The following PCNX2 variants were observed in gnomAD, a reference collection of about 807,000 sequenced individuals.
The protein encoded by PCNX2 is pecanex 2, also known as pecanex-like protein 2.
PCNX2 carries 168 observed loss-of-function variants against 223.8 expected under a neutral mutation model. The ratio of observed to expected loss-of-function variants is 0.75; its 90% CI spans 0.66 to 0.85. PCNX2 has a LOEUF of 0.85. Among genes scored for constraint, PCNX2 ranks in the 40% least tolerant of loss-of-function variants. The probability of loss-of-function intolerance (pLI) is 0.00; values close to 1 mark genes in which losing one functional copy is unlikely to be tolerated. For missense variants in PCNX2, 2,507 were observed against 2,675.5 expected (o/e 0.94, Z 1.39); for synonymous variants, 1,006 against 1,052.6 (o/e 0.96, Z 0.86).
chr1:233,045,435 C>G (rs993048893), intron 25 of PCNX2, among the ~76,000 whole-genome samples: 9 of 152,184 alleles, frequency 5.9e-5, no homozygotes, highest in African/African-American at 1.9e-4. Flanking sequence ...TCCCCACTAC[C>G]TCCACTCACT....
At chr1:233,084,890 C>T (rs1264602291) in intron 23 of PCNX2, among the ~76,000 whole-genome samples, 2 of 152,164 alleles carry the variant, frequency 1.3e-5, no homozygotes, top group Non-Finnish European at 2.9e-5. Context: ...AATAAAGACA[C>T]CAGGCAGAGC....
intron 28 of PCNX2, among the ~76,000 whole-genome samples, chr1:233,012,092 T>C (rs1296117132): frequency 6.6e-6 from 1 of 152,152 alleles, no homozygotes; most frequent in African/African-American, 2.4e-5. Flanking sequence ...ATCCCACATA[T>C]ATTGGGGCCA....
chr1:233,204,719 T>C (rs537413362), intron 13 of PCNX2, among the ~76,000 whole-genome samples: 1 of 152,382 alleles, frequency 6.6e-6, no homozygotes, highest in African/African-American at 2.4e-5. Flanking sequence ...CAAATTAGTA[T>C]GTTTAACACA....
Position 233,054,441 on chromosome 1 carries a change from A to C in PCNX2, c.4178T>G (p.Leu1393Trp). ...GAGGGACTCCTGGAGGGTCCTTGTC[A>C]AGTGTTCATAAAAAATGGAATTGAG... is the stretch of plus-strand genomic sequence containing the variant. ...NNLNSIFYEH[L>W]TRTLQESLCG... Residue 1393 changes from leucine to tryptophan, a missense_variant, in exon 25 of 34, where the codon TTG (leucine) becomes TGG (tryptophan). Physicochemically the swap from Leu to Trp is moderately conservative, Grantham distance 61. This residue lies in a region of PCNX2 where 1,372 missense variants were observed against 1,509.4 expected (regional missense o/e 0.91). Transcript: ENST00000258229. 1 of 1,613,828 alleles carries C rather than the reference A, an allele frequency of 6.2e-7. No individual in the cohort carries two copies. The highest frequency in any genetic ancestry group is 8.5e-7 in the Non-Finnish European group (1 of 1,179,784).
chr1:233,259,806 G>C (rs567772120), intron 4 of PCNX2: 1 of 874,602 alleles, frequency 1.1e-6, no homozygotes. Flanking sequence ...TCTTATTTAC[G>C]GCTGCATTGA....
chr1:233,251,983 G>C (rs1011114838), intron 7 of PCNX2, among the ~76,000 whole-genome samples: 1 of 152,236 alleles, frequency 6.6e-6, no homozygotes, highest in Non-Finnish European at 1.5e-5. Flanking sequence ...ATAACTGTGA[G>C]GGGGAAATGC....
chr1:233,075,413 G>A (rs1673046834), intron 23 of PCNX2, among the ~76,000 whole-genome samples: 1 of 152,126 alleles, frequency 6.6e-6, no homozygotes, highest in South Asian at 2.1e-4. Flanking sequence ...GTTGACAGGA[G>A]TTATGAAGGG....
chr1:233,300,055 G>A (rs1444881664), upstream of PCNX2, among the ~76,000 whole-genome samples: 2 of 152,000 alleles, frequency 1.3e-5, no homozygotes, highest in African/African-American at 2.4e-5. Flanking sequence ...GTTTCTTCAT[G>A]AGTCTACACC....
intron 15 of PCNX2, among the ~76,000 whole-genome samples, chr1:233,191,495 G>A (rs949890876): frequency 1.5e-4 from 23 of 152,112 alleles, no homozygotes; most frequent in African/African-American, 5.3e-4. Context: ...CCTCTCCCTA[G>A]AGCTCATTAA....
At chr1:233,184,709 A>C (rs1257794814) in intron 15 of PCNX2, among the ~76,000 whole-genome samples, 3 of 152,170 alleles carry the variant, frequency 2.0e-5, no homozygotes, top group African/African-American at 7.2e-5. Flanking sequence ...TTTAAGGATA[A>C]CTAATAGCTT....
At chr1:233,191,072 T>C (rs868546049) in intron 15 of PCNX2, among the ~76,000 whole-genome samples, 2 of 152,348 alleles carry the variant, frequency 1.3e-5, no homozygotes, top group South Asian at 4.1e-4. Context: ...ATTTTTTGAA[T>C]ACCAGATTCT....
At chr1:233,137,272 G>A (rs1676864692) in intron 20 of PCNX2, among the ~76,000 whole-genome samples, 1 of 152,186 alleles carries the variant, frequency 6.6e-6, no homozygotes, top group Non-Finnish European at 1.5e-5. Context: ...GCACTGATGT[G>A]CTGACATGGT....
Position 232,998,529 on chromosome 1 carries a change from G to A in PCNX2, c.5604-91C>T, listed in dbSNP as rs1290548587. The A allele has an allele frequency of 5.6e-5, 80 of 1,433,434 alleles. 1 individual carries two copies. The highest frequency in any genetic ancestry group is 3.3e-4 in the East Asian group (14 of 42,110). The allele number at this position is 1,433,434 out of a possible 1,614,324, so 88.8% of individuals were successfully genotyped here. ...CCATGGCCTTGCCTAAATCGGGATC[G>A]AAGAGCGTGCTCTCCAGGTGAGTAG... On this transcript the variant is annotated intron_variant, in intron 31 of 33. Transcript: ENST00000258229.
intron 12 of PCNX2, chr1:233,210,503 T>G (rs1046458229): frequency 1.6e-5 from 12 of 758,792 alleles, no homozygotes; most frequent in Non-Finnish European, 1.6e-5. Context: ...GGTCTCAAAC[T>G]CCTGACCTCA....
At chr1:233,132,892 C>CTTTTT (rs892121349) in intron 21 of PCNX2, among the ~76,000 whole-genome samples, 4 of 114,874 alleles carry the variant, frequency 3.5e-5, no homozygotes, top group Admixed American at 9.1e-5. Context: ...CATTTTACAT[C>CTTTTT]TTTTTTTTTT....
At chr1:233,113,259 A>G (rs1675216733) in intron 21 of PCNX2, among the ~76,000 whole-genome samples, 1 of 152,158 alleles carries the variant, frequency 6.6e-6, no homozygotes, top group Non-Finnish European at 1.5e-5. Flanking sequence ...CCCTGTGCTA[A>G]CTCCCCACTG....
intron 22 of PCNX2, among the ~76,000 whole-genome samples, chr1:233,091,224 C>T (rs1277213927): frequency 6.6e-6 from 1 of 152,126 alleles, no homozygotes; most frequent in Non-Finnish European, 1.5e-5. Context: ...TCTGATCTGA[C>T]CTCCTACAAG....
intron 27 of PCNX2, among the ~76,000 whole-genome samples, chr1:233,016,109 T>A (rs2102818661): frequency 6.6e-6 from 1 of 152,340 alleles, no homozygotes; most frequent in South Asian, 2.1e-4. Context: ...ACACCTTCTT[T>A]GTGGTTGGTC....
At chr1:233,044,857 T>C (rs181772201) in intron 25 of PCNX2, among the ~76,000 whole-genome samples, 15 of 152,118 alleles carry the variant, frequency 9.9e-5, no homozygotes, top group Non-Finnish European at 1.8e-4. Flanking sequence ...TTAGTAGAGA[T>C]GGGGTTTCAC....
Sources: allele counts gnomAD v4.1 joint callset (sites outside exome capture counted in the v4.1 genomes callset), GRCh38; gene constraint gnomAD v4.1.1; regional missense constraint gnomAD v4.1.1; transcripts MANE v1.5; gene names NCBI Gene and HGNC (gene_info 2026-07-23, HGNC 2026-07-21).